The following DIXDC1 variants were observed in gnomAD, a reference collection of about 807,000 sequenced individuals.
The protein encoded by DIXDC1 is dixin.
In DIXDC1, 64 loss-of-function variants were observed where a neutral mutation model predicts 103.1. That is an observed-to-expected ratio of 0.62 (90% confidence interval 0.51 to 0.76). The LOEUF (loss-of-function observed/expected upper bound fraction) is 0.76, where lower values mean the gene tolerates loss of function less well. DIXDC1 is among the 30% of genes least tolerant of loss of function. The pLI, the probability that DIXDC1 is intolerant of heterozygous loss-of-function variation, is 0.00. For missense variants in DIXDC1, 759 were observed against 834.2 expected, an observed-to-expected ratio of 0.91 and a Z score of 1.11; for synonymous variants, 266 against 298.5, an observed-to-expected ratio of 0.89 and a Z score of 1.12.
intron 17 of DIXDC1, among the ~76,000 whole-genome samples, chr11:112,008,241 A>T (rs1861303936): frequency 2.6e-5 from 4 of 152,198 alleles, no homozygotes; most frequent in Admixed American, 2.6e-4. Context: ...TGGTAAAGGG[A>T]TCAATTCAAC....
intron 17 of DIXDC1, among the ~76,000 whole-genome samples, chr11:112,000,695 A>G (rs1861038467): frequency 1.4e-5 from 2 of 142,144 alleles, no homozygotes; most frequent in South Asian, 4.4e-4. Context: ...GATTCTGTCT[A>G]AAAAAAAAAA....
chr11:111,975,912 C>CT (rs1487105730), intron 5 of DIXDC1: 27 of 963,424 alleles, frequency 2.8e-5, no homozygotes, highest in Non-Finnish European at 3.2e-5. Context: ...AACTTTTTAC[C>CT]TTTTTTACAT....
chr11:111,964,687 G>T lies in DIXDC1; in HGVS notation c.190+9G>T. ...TCTCATCGAGATTGTTGGTCAGTTG[G>T]CCCTGGACTCTGATACTAGAGTACA... On this transcript the variant is annotated intron_variant, in intron 2 of 19. Transcript: ENST00000440460. The T allele has an allele frequency of 1.3e-6, 2 of 1,596,624 alleles. No individual in the cohort carries two copies. Among genetic ancestry groups the T allele is most frequent in the Non-Finnish European group, 1.7e-6 (2 of 1,172,330 alleles).
Position 111,937,413 on chromosome 11 carries a change from G to A in DIXDC1, c.-87G>A, listed in dbSNP as rs1555168278. 2 of 1,526,056 alleles carry A rather than the reference G, an allele frequency of 1.3e-6. No individual in the cohort carries two copies. Among genetic ancestry groups the A allele is most frequent in the African/African-American group, 1.4e-5 (1 of 71,778 alleles). The allele number at this position is 1,526,056 out of a possible 1,614,324, so 94.5% of individuals were successfully genotyped here. On this transcript the variant is annotated 5_prime_UTR_variant, in exon 1 of 20. Transcript: ENST00000440460. The stretch of plus-strand genomic sequence containing the variant: ...CGGAGGGATCCCAATGAGCTGAGCC[G>A]AGAGCCTTTGTGTGCAGAGGGAGGA...
chr11:111,991,178 G>A (rs1860702143), intron 10 of DIXDC1, among the ~76,000 whole-genome samples: 1 of 152,112 alleles, frequency 6.6e-6, no homozygotes, highest in Non-Finnish European at 1.5e-5. Context: ...TAGTACTTTT[G>A]AAACACTTTA....
chr11:111,956,527 T>C (rs1462677281), intron 1 of DIXDC1, among the ~76,000 whole-genome samples: 1 of 152,214 alleles, frequency 6.6e-6, no homozygotes, highest in East Asian at 1.9e-4. Context: ...TTCACTCTTG[T>C]TGTCCAGGCT....
At chr11:111,992,086 G>A (rs1028810748) in intron 10 of DIXDC1, among the ~76,000 whole-genome samples, 25 of 152,272 alleles carry the variant, frequency 1.6e-4, no homozygotes, top group East Asian at 3.9e-4. Context: ...TTGAATCTAC[G>A]TCTATCTGAT....
At chr11:111,981,247 C>T (rs1336242036) in intron 6 of DIXDC1, among the ~76,000 whole-genome samples, 1 of 152,138 alleles carries the variant, frequency 6.6e-6, no homozygotes, top group African/African-American at 2.4e-5. Flanking sequence ...TCTGTGAGGG[C>T]ACAGAGAATA....
intron 17 of DIXDC1, among the ~76,000 whole-genome samples, chr11:112,010,355 TATC>T (rs1218087190): frequency 6.6e-6 from 1 of 152,130 alleles, no homozygotes; most frequent in Non-Finnish European, 1.5e-5. Flanking sequence ...GAAGAATAAA[TATC>T]ATGAAAATGG....
At chr11:111,962,337 C>G (rs1433083516) in intron 1 of DIXDC1, among the ~76,000 whole-genome samples, 1 of 152,050 alleles carries the variant, frequency 6.6e-6, no homozygotes. Context: ...CAAAAATTAG[C>G]CCGGCGTGGT....
At chr11:112,012,746 C>T (rs143519543) in intron 17 of DIXDC1, among the ~76,000 whole-genome samples, 7 of 152,206 alleles carry the variant, frequency 4.6e-5, no homozygotes, top group Non-Finnish European at 7.4e-5. Context: ...TTTTGTCATA[C>T]GGCTTTATGT....
chr11:111,957,433 G>A (rs1592563412), intron 1 of DIXDC1, among the ~76,000 whole-genome samples: 2 of 152,290 alleles, frequency 1.3e-5, no homozygotes, highest in Admixed American at 1.3e-4. Context: ...GGGAAAAAGA[G>A]CAACTTTACA....
In DIXDC1 at chr11:112,020,958, A is replaced by G. The variant is rs782804967; in HGVS notation, c.*1922A>G. 1.3e-5 allele frequency: 2 copies of G among 152,238 alleles called. No homozygotes were observed. The highest frequency in any genetic ancestry group is 2.9e-5 in the Non-Finnish European group (2 of 68,036). 9.4% of individuals were successfully genotyped at this position (152,238 alleles called of 1,614,324 possible). A position where few individuals can be genotyped will look rare whatever the true frequency, so the allele number is the denominator to read the frequency against. ...CTGGAGAAAAAGTCCTCATGTCACCAATTTCTCTGTTGCATGAATTTTAGT... is the reference window on the plus strand; with the variant it reads ...CTGGAGAAAAAGTCCTCATGTCACCGATTTCTCTGTTGCATGAATTTTAGT... On this transcript the variant is annotated 3_prime_UTR_variant, in exon 20 of 20. Coordinates refer to ENST00000440460, the MANE Select transcript of DIXDC1 (RefSeq NM_001037954.4).
At chr11:111,935,138 C>T (rs1312620106), upstream of DIXDC1, among the ~76,000 whole-genome samples, 4 of 151,914 alleles carry the variant, frequency 2.6e-5, no homozygotes, top group African/African-American at 9.7e-5. Flanking sequence ...AAAATCAATT[C>T]ACTACAATTC....
chr11:111,952,001 G>A (rs1399432081), intron 1 of DIXDC1, among the ~76,000 whole-genome samples: 1 of 152,048 alleles, frequency 6.6e-6, no homozygotes, highest in African/African-American at 2.4e-5. Flanking sequence ...GAGAAGATGG[G>A]ATTACAAGTG....
chr11:111,995,284 C>A (rs957861991), intron 15 of DIXDC1, 119 bp from the exon 16 acceptor site: 8 of 1,419,888 alleles, frequency 5.6e-6, no homozygotes, highest in Non-Finnish European at 6.7e-6. Flanking sequence ...GTGGGCAAAC[C>A]ATAGGCCTGC....
At chr11:111,928,134 T>C (rs1965890164) in intron 1 of DIXDC1, among the ~76,000 whole-genome samples, 1 of 151,312 alleles carries the variant, frequency 6.6e-6, no homozygotes, top group Non-Finnish European at 1.5e-5. Context: ...ATTACCATTA[T>C]CACTTTTTCC....
Position 112,017,760 on chromosome 11 carries a change from C to T in DIXDC1, c.1863-17C>T. 6.3e-7 allele frequency: 1 copy of T among 1,592,346 alleles called. No homozygotes were observed. Among genetic ancestry groups the T allele is most frequent in the African/African-American group, 1.3e-5 (1 of 74,732 alleles). ...TTGATCAACAGTCTATTTTAGTGCT[C>T]TCTCCTTGTGTTGCAGGTTGGAGGA... is the stretch of plus-strand genomic sequence containing the variant. On this transcript the variant is annotated splice_polypyrimidine_tract_variant and intron_variant, in intron 18 of 19. Coordinates refer to ENST00000440460, the MANE Select transcript of DIXDC1 (RefSeq NM_001037954.4). The surrounding 1 kb of genome is among the most constrained non-coding windows in gnomAD (Gnocchi z 4.0).
At chr11:111,960,476 C>G (rs1156472555) in intron 1 of DIXDC1, among the ~76,000 whole-genome samples, 2 of 151,236 alleles carry the variant, frequency 1.3e-5, no homozygotes, top group Non-Finnish European at 2.9e-5. Flanking sequence ...CGCCTGTAAT[C>G]CCAGCTTCTC....
Sources: allele counts gnomAD v4.1 joint callset (sites outside exome capture counted in the v4.1 genomes callset), GRCh38; gene constraint gnomAD v4.1.1; non-coding constraint Gnocchi (gnomAD v3.1); transcripts MANE v1.5; gene names NCBI Gene and HGNC (gene_info 2026-07-23, HGNC 2026-07-21).